The following BNIP3 variants were observed in gnomAD, a reference collection of about 807,000 sequenced individuals.
BNIP3 encodes the protein BCL2/adenovirus E1B 19 kDa protein-interacting protein 3.
A neutral mutation model predicts 23.9 loss-of-function variants in BNIP3; 16 were observed. The ratio of observed to expected loss-of-function variants is 0.67; its 90% CI spans 0.45 to 1.01. The LOEUF (loss-of-function observed/expected upper bound fraction) is 1.01. Among genes scored for constraint, BNIP3 ranks in the 50% least tolerant of loss-of-function variants. The pLI, the probability that BNIP3 is intolerant of heterozygous loss-of-function variation, is 0.00. For missense variants in BNIP3, 198 were observed against 248.7 expected (o/e 0.80, Z 1.37); for synonymous variants, 81 against 89.3 (o/e 0.91, Z 0.53).
intron 2 of BNIP3, 99 bp from the exon 3 acceptor site, chr10:131,973,217 G>T: frequency 8.1e-7 from 1 of 1,231,730 alleles, no homozygotes; most frequent in Non-Finnish European, 1.2e-6. Flanking sequence ...TCCGTGATGA[G>T]GGGCTCTAGC....
At chr10:131,971,219 G>A (rs1478230240) in intron 3 of BNIP3, 10 of 514,856 alleles carry the variant, frequency 1.9e-5, no homozygotes, top group Non-Finnish European at 3.2e-5. Flanking sequence ...CCCACTCAGG[G>A]CGTAAATACA....
At position 131,968,338 on chromosome 10, in the gene BNIP3, G is replaced by A. The variant is rs1375659372; in HGVS notation, c.*186C>T. 1.9e-6 allele frequency: 1 copy of A among 538,194 alleles called. No homozygotes were observed. Among genetic ancestry groups the A allele is most frequent in the Non-Finnish European group, 3.3e-6 (1 of 302,276 alleles). 33.3% of individuals were successfully genotyped at this position (538,194 alleles called of 1,614,324 possible). A position where few individuals can be genotyped will look rare whatever the true frequency, so the allele number is the denominator to read the frequency against. On this transcript the variant is annotated 3_prime_UTR_variant, in exon 6 of 6. Transcript: ENST00000368636. ...TCTGACATGCTTATTGATCCCATAG[G>A]TGTAATTATAGATCAACATGATTTT... is the stretch of plus-strand genomic sequence containing the variant.
intron 3 of BNIP3, among the ~76,000 whole-genome samples, chr10:131,972,158 C>CA (rs1166176395): frequency 1.3e-5 from 2 of 152,158 alleles, no homozygotes; most frequent in African/African-American, 4.8e-5. Context: ...GATAGTACAC[C>CA]AAGGCAATAA....
At chr10:131,981,692 G>GCCCTCTTGGCCT (rs1285267362) in intron 1 of BNIP3, 69 bp downstream of exon 1, 177 of 1,135,284 alleles carry the variant, frequency 1.6e-4, no homozygotes, top group Non-Finnish European at 2.0e-4. Context: ...TCCCCTTGGC[G>GCCCTCTTGGCCT]CCCTCTTGGC....
intron 3 of BNIP3, among the ~76,000 whole-genome samples, chr10:131,972,105 C>T (rs933903192): frequency 2.0e-5 from 3 of 152,216 alleles, no homozygotes; most frequent in African/African-American, 7.2e-5. Flanking sequence ...CAGTACTGAT[C>T]ACTGCCTCGA....
At chr10:131,974,079 G>A (rs1181855373) in intron 1 of BNIP3, 136 bp from the exon 2 acceptor site, 28 of 1,117,512 alleles carry the variant, frequency 2.5e-5, no homozygotes, top group South Asian at 1.0e-4. Context: ...CCTCAACCCC[G>A]ACTTGAAGAC....
rs1046264429 is a variant in BNIP3, at chr10:131,976,573, G to A, written c.47-2630C>T. Among the ~76,000 whole-genome samples the A allele has an allele frequency of 2.0e-5, 3 of 152,100 alleles. No homozygotes were observed. The highest frequency in any genetic ancestry group is 7.2e-5 in the African/African-American group (3 of 41,404). ...AATTCCAGGGCAGACAAATGGAAAT[G>A]ACATACAGCCCAGATCCCCACCTAC... On this transcript the variant is annotated intron_variant, in intron 1 of 5. Coordinates refer to ENST00000368636, the MANE Select transcript of BNIP3 (RefSeq NM_004052.4). The surrounding 1 kb of genome is among the most constrained non-coding windows in gnomAD (Gnocchi z 4.3).
intron 5 of BNIP3, 51 bp from the exon 6 acceptor site, chr10:131,968,620 CTG>C (rs2036992383): frequency 6.0e-6 from 9 of 1,501,372 alleles, no homozygotes; most frequent in South Asian, 1.1e-5. Flanking sequence ...TCACAGGAGA[CTG>C]TGTTACAGCT....
intron 1 of BNIP3, among the ~76,000 whole-genome samples, chr10:131,978,275 TATAA>T (rs1485011246): frequency 2.0e-5 from 3 of 151,702 alleles, no homozygotes; most frequent in Non-Finnish European, 2.9e-5. Flanking sequence ...AAGCCTAGAC[TATAA>T]ATATTTATAT....
At chr10:131,977,643 GA>G (rs754886388) in intron 1 of BNIP3, among the ~76,000 whole-genome samples, 8 of 152,126 alleles carry the variant, frequency 5.3e-5, no homozygotes, top group Non-Finnish European at 8.8e-5. Context: ...CCATTCACTA[GA>G]GAGGAGCCCC....
intron 1 of BNIP3, chr10:131,980,102 C>T (rs2133696845): frequency 6.6e-6 from 1 of 152,370 alleles, no homozygotes; most frequent in South Asian, 2.1e-4. Context: ...ATAGAATAAA[C>T]AAAACAGAAA....
chr10:131,981,640 C>G (rs1025423284), intron 1 of BNIP3, 121 bp downstream of exon 1: 1 of 1,222,232 alleles, frequency 8.2e-7, no homozygotes, highest in African/African-American at 1.6e-5. Context: ...GATGGCGCAG[C>G]CTCGCCCGGC....
chr10:131,974,089 C>T (rs2037062164), intron 1 of BNIP3, 146 bp from the exon 2 acceptor site: 3 of 1,040,378 alleles, frequency 2.9e-6, no homozygotes, highest in African/African-American at 1.6e-5. Flanking sequence ...GACTTGAAGA[C>T]ATCCCTCTGC....
In BNIP3 at chr10:131,974,406, G is replaced by A. The variant is rs1369861774; in HGVS notation, c.47-463C>T. On this transcript the variant is annotated intron_variant, in intron 1 of 5. Transcript: ENST00000368636. ...TAAGCTCTATTTTTTGTTTCTTTTC[G>A]AGACGGAGTCTCGCTTTGTCACCCA... Among the ~76,000 whole-genome samples, 6 of 152,138 alleles carry A rather than the reference G, an allele frequency of 3.9e-5. No homozygotes were observed. In the East Asian group the frequency reaches 5.8e-4, roughly 15 times the overall value.
intron 1 of BNIP3, chr10:131,980,470 C>A (rs1474109029): frequency 6.6e-6 from 1 of 151,740 alleles, no homozygotes; most frequent in Non-Finnish European, 1.5e-5. Context: ...AGGCCAGGCG[C>A]GCCTGGTGGC....
intron 1 of BNIP3, among the ~76,000 whole-genome samples, chr10:131,975,188 G>A (rs899622004): frequency 6.6e-6 from 1 of 152,162 alleles, no homozygotes; most frequent in Non-Finnish European, 1.5e-5. Context: ...GATGTGAGAC[G>A]GATGCCCCAT....
chr10:131,971,440 G>A (rs2037032631), intron 3 of BNIP3: 1 of 162,306 alleles, frequency 6.2e-6, no homozygotes, highest in Non-Finnish European at 1.3e-5. Flanking sequence ...ATAAGCAGGA[G>A]GGAAAAGGCA....
At chr10:131,974,620 T>C (rs546995644) in intron 1 of BNIP3, among the ~76,000 whole-genome samples, 60 of 152,338 alleles carry the variant, frequency 3.9e-4, no homozygotes, top group African/African-American at 1.4e-3. Context: ...GCCCAAGCAG[T>C]CCTCTCACCT....
In BNIP3 at chr10:131,970,253, A is replaced by C; in HGVS notation, c.539+385T>G. On this transcript the variant is annotated intron_variant, in intron 5 of 5. Transcript: ENST00000368636. The surrounding 1 kb of genome is among the most constrained non-coding windows in gnomAD (Gnocchi z 4.1). ...CAACAGTCCTGTCTGGAGGAAGTAC[A>C]GCAGGTAACTGAGACCCTCCACCTA... 4.5e-6 allele frequency: 1 copy of C among 222,544 alleles called. No individual in the cohort carries two copies. The allele number at this position is 222,544 out of a possible 1,614,324, so 13.8% of individuals were successfully genotyped here.
Sources: allele counts gnomAD v4.1 joint callset (sites outside exome capture counted in the v4.1 genomes callset), GRCh38; gene constraint gnomAD v4.1.1; non-coding constraint Gnocchi (gnomAD v3.1); transcripts MANE v1.5; gene names NCBI Gene and HGNC (gene_info 2026-07-23, HGNC 2026-07-21).